Variants in KDR observed in about 807,000 individuals in gnomAD.
KDR encodes the protein vascular endothelial growth factor receptor 2.
Under a neutral mutation model 160.9 loss-of-function variants are expected in KDR, and 43 were observed. The observed-to-expected ratio is 0.27, with a 90% confidence interval of 0.21 to 0.34. The LOEUF is 0.34. KDR is among the 10% of genes least tolerant of loss of function. The pLI, the probability that KDR is intolerant of heterozygous loss-of-function variation, is 1.00. For synonymous variants in KDR, 617 were observed against 600.1 expected, an observed-to-expected ratio of 1.03 and a Z score of -0.41; for missense variants, 1,469 against 1,666.4, an observed-to-expected ratio of 0.88 and a Z score of 2.06.
intron 27 of KDR, among the ~76,000 whole-genome samples, chr4:55,085,661 G>C (rs557323988): frequency 2.0e-5 from 3 of 152,338 alleles, no homozygotes; most frequent in East Asian, 3.9e-4. Context: ...GGAGGAGGTG[G>C]AGAGGAGATG....
In KDR at chr4:55,105,847, A is replaced by G. The variant is rs780773687; in HGVS notation, c.1630T>C (p.Ser544Pro). 1 of 1,607,240 alleles carries G rather than the reference A, an allele frequency of 6.2e-7. No homozygotes were observed. The highest frequency in any genetic ancestry group is 1.1e-5 in the South Asian group (1 of 90,934). ...GAGTACTTACTGGTCACGTGGAAGG[A>G]GATCACCCTCTCTCCTCTCCCGACT... ...NKVGRGERVI[S>P]FHVTRGPEIT... The change falls in exon 12 of 30, where the codon TCC becomes CCC. Residue 544 changes from serine to proline, a missense_variant. Physicochemically the swap from Ser to Pro is moderately conservative, Grantham distance 74. Coordinates refer to ENST00000263923, the MANE Select transcript of KDR (RefSeq NM_002253.4).
chr4:55,100,097 T>C (rs930655012), intron 15 of KDR, among the ~76,000 whole-genome samples: 13 of 152,092 alleles, frequency 8.5e-5, no homozygotes, highest in Non-Finnish European at 1.0e-4. Context: ...ACTTGGGGCC[T>C]CCCATCAGAA....
intron 15 of KDR, among the ~76,000 whole-genome samples, chr4:55,100,366 CAA>C (rs1463535032): frequency 6.6e-6 from 1 of 152,056 alleles, no homozygotes; most frequent in East Asian, 1.9e-4. Flanking sequence ...ATAAAAAGTT[CAA>C]AGAGTCTGTT....
intron 15 of KDR, among the ~76,000 whole-genome samples, chr4:55,101,114 G>A (rs1022546724): frequency 6.6e-6 from 1 of 152,124 alleles, no homozygotes; most frequent in Non-Finnish European, 1.5e-5. Flanking sequence ...CGGAATCCTT[G>A]TGACTATCTG....
At chr4:55,087,539 T>A in intron 27 of KDR, 68 bp downstream of exon 27, 1 of 1,463,038 alleles carries the variant, frequency 6.8e-7, no homozygotes, top group East Asian at 2.3e-5. Context: ...TCCTTCCACT[T>A]CCAATCCCCC....
chr4:55,084,916 A>AT (rs1719821699), intron 27 of KDR, among the ~76,000 whole-genome samples: 5 of 152,320 alleles, frequency 3.3e-5, no homozygotes, highest in South Asian at 4.1e-4. Context: ...GGACAGTCCC[A>AT]CTGCAAACAG....
intron 9 of KDR, among the ~76,000 whole-genome samples, chr4:55,110,056 T>C (rs997364485): frequency 1.3e-5 from 2 of 152,190 alleles, no homozygotes; most frequent in Non-Finnish European, 2.9e-5. Flanking sequence ...CACATCTGTG[T>C]ACCAGGTGGG....
At chr4:55,124,690 C>A (rs1413054024) in intron 1 of KDR, among the ~76,000 whole-genome samples, 1 of 22,566 alleles carries the variant, frequency 4.4e-5, no homozygotes, top group Non-Finnish European at 9.3e-5. Flanking sequence ...CCGCTCCAGA[C>A]CCCACTTCAC....
At chr4:55,087,004 A>G (rs995150658) in intron 27 of KDR, among the ~76,000 whole-genome samples, 1 of 152,228 alleles carries the variant, frequency 6.6e-6, no homozygotes, top group African/African-American at 2.4e-5. Flanking sequence ...GAGAGAGAAA[A>G]AAGAAAGCTG....
chr4:55,117,843 G>T (rs966453300), intron 3 of KDR, among the ~76,000 whole-genome samples: 1 of 152,188 alleles, frequency 6.6e-6, no homozygotes, highest in Non-Finnish European at 1.5e-5. Context: ...GATCTCATTA[G>T]TTAAGTTAGG....
intron 5 of KDR, 65 bp downstream of exon 5, chr4:55,114,809 G>T (rs201155074): frequency 1.4e-6 from 2 of 1,390,392 alleles, no homozygotes; most frequent in Non-Finnish European, 2.0e-6. Flanking sequence ...ACTCTATGTT[G>T]TTATCTCCAA....
Position 55,114,918 on chromosome 4 carries a change from T to C in KDR, c.614A>G (p.Asn205Ser), listed in dbSNP as rs376768864. Residue 205 changes from asparagine (N) to serine (S), a missense_variant, in exon 5 of 30, where the codon AAT becomes AGT. Transcript: ENST00000263923. ...AGMVFCEAKI[N>S]DESYQSIMYI... ...CATAATAGACTGGTAACTTTCATCA[T>C]TAATTTTTGCTTCACAGAAGACCAT... 4 of 1,613,882 alleles carry C rather than the reference T, an allele frequency of 2.5e-6. No homozygotes were observed. Among genetic ancestry groups the C allele is most frequent in the African/African-American group, 1.3e-5 (1 of 74,938 alleles).
At position 55,082,603 on chromosome 4, in the gene KDR, C is replaced by T. The variant is rs368229220; in HGVS notation, c.3695G>A (p.Arg1232Gln). The T allele has an allele frequency of 1.4e-5, 23 of 1,613,748 alleles. No homozygotes were observed. Among genetic ancestry groups the T allele is most frequent in the African/African-American group, 9.3e-5 (7 of 74,892 alleles). Residue 1232 changes from arginine to glutamine, a missense_variant, in exon 28 of 30, where the codon CGG becomes CAG. Around this residue, in one of 7 missense-constraint regions of KDR, gnomAD observed 229 missense variants for 197.8 expected, o/e 1.16. Coordinates refer to ENST00000263923, the MANE Select transcript of KDR (RefSeq NM_002253.4). ...QYLQNSKRKS[R>Q]PVSVKTFEDI... ...TTCAAATGTTTTTACACTCACAGGC[C>T]GGCTCTTTCGCTTACTGTTCTGCAG...
At chr4:55,119,584 G>A (rs1294422143) in intron 2 of KDR, among the ~76,000 whole-genome samples, 6 of 152,170 alleles carry the variant, frequency 3.9e-5, no homozygotes. Context: ...CTAGCCATAG[G>A]AACATCATGA....
chr4:55,079,816 C>A lies in KDR; in HGVS notation c.*125G>T. ...GACTGGCTCCCTGCAGTCCGAGGTCCTTTTTCTGTTGTCGAAATGAAAATC... is the reference window on the plus strand; with the variant it reads ...GACTGGCTCCCTGCAGTCCGAGGTCATTTTTCTGTTGTCGAAATGAAAATC... On this transcript the variant is annotated 3_prime_UTR_variant, in exon 30 of 30. Coordinates refer to ENST00000263923, the MANE Select transcript of KDR (RefSeq NM_002253.4). 1.1e-6 allele frequency: 1 copy of A among 897,070 alleles called. No individual in the cohort carries two copies. The highest frequency in any genetic ancestry group is 1.9e-6 in the Non-Finnish European group (1 of 539,210). The allele number at this position is 897,070 out of a possible 1,614,324, so 55.6% of individuals were successfully genotyped here.
rs2110011111 is a variant in KDR at position 55,089,783 on chromosome 4, C to T, written c.3212G>A (p.Trp1071Ter). ...GTCAAAAATTGTTTCTGGGGCCATC[C>T]ATTTCAAAGGGAGGCGAGCCTACAG... ...RKGDARLPLK[W>*]MAPETIFDRV... Residue 1071 changes from tryptophan to a stop codon, truncating the protein, a stop_gained, in exon 24 of 30, where the codon TGG becomes TAG. Transcript: ENST00000263923. LOFTEE classifies it high-confidence loss of function. 6.2e-7 allele frequency: 1 copy of T among 1,614,082 alleles called. No individual in the cohort carries two copies. Among genetic ancestry groups the T allele is most frequent in the Non-Finnish European group, 8.5e-7 (1 of 1,179,986 alleles).
intron 17 of KDR, 116 bp downstream of exon 17, chr4:55,098,021 T>G (rs1334508495): frequency 7.4e-7 from 1 of 1,353,518 alleles, no homozygotes; most frequent in Non-Finnish European, 1.0e-6. Flanking sequence ...AGAAATGGAA[T>G]TAATATTTCT....
intron 10 of KDR, 98 bp downstream of exon 10, chr4:55,107,639 T>C: frequency 6.6e-7 from 1 of 1,515,224 alleles, no homozygotes; most frequent in South Asian, 1.1e-5. Context: ...AAAACTTTTT[T>C]TGGTTTAGGC....
chr4:55,101,776 G>T, intron 15 of KDR, 121 bp downstream of exon 15: 3 of 824,808 alleles, frequency 3.6e-6, no homozygotes, highest in Non-Finnish European at 6.0e-6. Context: ...GTGTTAGTTT[G>T]CTGAGGATAA....
Sources: allele counts gnomAD v4.1 joint callset (sites outside exome capture counted in the v4.1 genomes callset), GRCh38; gene constraint gnomAD v4.1.1; regional missense constraint gnomAD v4.1.1; transcripts MANE v1.5; gene names NCBI Gene and HGNC (gene_info 2026-07-23, HGNC 2026-07-21).